Variants in DYRK1A observed in about 807,000 individuals in gnomAD.
The protein encoded by DYRK1A is dual specificity tyrosine-phosphorylation-regulated kinase 1A.
Under a neutral mutation model 79.7 loss-of-function variants are expected in DYRK1A, and 9 were observed. The ratio of observed to expected loss-of-function variants is 0.11; its 90% CI spans 0.07 to 0.20. DYRK1A has a LOEUF of 0.20. Ranked by LOEUF, DYRK1A falls within the 10% of genes least tolerant of loss-of-function variation. The pLI, the probability that DYRK1A is intolerant of heterozygous loss-of-function variation, is 1.00. For missense variants in DYRK1A, 622 were observed against 956.0 expected, an observed-to-expected ratio of 0.65 and a Z score of 4.61; for synonymous variants, 349 against 329.7, an observed-to-expected ratio of 1.06 and a Z score of -0.63.
chr21:37,449,647 T>C (rs2051382361), intron 2 of DYRK1A, among the ~76,000 whole-genome samples: 1 of 152,200 alleles, frequency 6.6e-6, no homozygotes, highest in Non-Finnish European at 1.5e-5. Flanking sequence ...GCAGTCTCTT[T>C]CGTGTGGTCA....
At chr21:37,434,706 ATTATT>A (rs1287482079) in intron 2 of DYRK1A, among the ~76,000 whole-genome samples, 1 of 152,170 alleles carries the variant, frequency 6.6e-6, no homozygotes, top group African/African-American at 2.4e-5. Context: ...TTATTTTAAA[ATTATT>A]TTTGAAGCTA....
chr21:37,374,000 C>G (rs370816904), intron 1 of DYRK1A, among the ~76,000 whole-genome samples: 1 of 151,964 alleles, frequency 6.6e-6, no homozygotes, highest in South Asian at 2.1e-4. Flanking sequence ...TCAAATAGAC[C>G]GTTATGCAAA....
At chr21:37,476,829 C>CT (rs1555978567) in intron 3 of DYRK1A, among the ~76,000 whole-genome samples, 1 of 147,126 alleles carries the variant, frequency 6.8e-6, no homozygotes, top group Non-Finnish European at 1.5e-5. Flanking sequence ...CCCCCCCCCC[C>CT]CAACCTTATT....
chr21:37,442,709 G>A (rs2051145532), intron 2 of DYRK1A, among the ~76,000 whole-genome samples: 1 of 152,132 alleles, frequency 6.6e-6, no homozygotes, highest in Non-Finnish European at 1.5e-5. Context: ...AAAGTGCTGG[G>A]ATTATAGGTG....
rs527734566 is a variant in DYRK1A, at chr21:37,460,400, C to G, written c.11-12284C>G. Among the ~76,000 whole-genome samples the G allele has an allele frequency of 2.2e-4, 34 of 152,200 alleles. No individual in the cohort carries two copies. In the South Asian group the frequency reaches 5.6e-3, roughly 25 times the overall value. ...GAACAAAAGGGGTGGGGGAGTCTTGCGGCGTTCACATCTCAGAAATGTTAC... is the reference window on the plus strand; with the variant it reads ...GAACAAAAGGGGTGGGGGAGTCTTGGGGCGTTCACATCTCAGAAATGTTAC... On this transcript the variant is annotated intron_variant, in intron 2 of 11. Coordinates refer to ENST00000647188, the MANE Select transcript of DYRK1A (RefSeq NM_001347721.2).
At chr21:37,472,949 A>G in intron 3 of DYRK1A, 69 bp downstream of exon 3, 1 of 1,218,108 alleles carries the variant, frequency 8.2e-7, no homozygotes. Context: ...TTGGAATACT[A>G]AGTAGGCAAA....
chr21:37,486,460 C>G lies in DYRK1A; in HGVS notation c.490-7C>G, dbSNP rs1349231184. ...TGAAATAGAGAATTATTCATCTTCT[C>G]TTTTAGGTTGTAAAGGCATATGATC... On this transcript the variant is annotated splice_region_variant and splice_polypyrimidine_tract_variant and intron_variant, in intron 5 of 11. Transcript: ENST00000647188. 6.8e-7 allele frequency: 1 copy of G among 1,461,952 alleles called. No individual in the cohort carries two copies. The highest frequency in any genetic ancestry group is 9.0e-7 in the Non-Finnish European group (1 of 1,105,212). The allele number at this position is 1,461,952 out of a possible 1,614,324, so 90.6% of individuals were successfully genotyped here. A position where few individuals can be genotyped will look rare whatever the true frequency, so the allele number is the denominator to read the frequency against.
intron 7 of DYRK1A, among the ~76,000 whole-genome samples, chr21:37,490,821 A>G (rs901878255): frequency 6.6e-6 from 1 of 151,980 alleles, no homozygotes; most frequent in African/African-American, 2.4e-5. Context: ...TATGTATGCT[A>G]AAAGATTAAG....
chr21:37,385,413 C>T lies in DYRK1A; in HGVS notation c.-77+17785C>T, dbSNP rs140571228. 3.5e-4 allele frequency among the ~76,000 whole-genome samples: 54 copies of T among 152,278 alleles called. No individual in the cohort carries two copies. In the East Asian group the frequency reaches 9.9e-3, roughly 28 times the overall value. On this transcript the variant is annotated intron_variant, in intron 1 of 11. Transcript: ENST00000647188. Reference sequence around the variant, plus strand: ...TGTTGGCAGGATTCTGTTCTTTGTACGCTGTCAATCAGCAAACATTTGCCA... The same window carrying T: ...TGTTGGCAGGATTCTGTTCTTTGTATGCTGTCAATCAGCAAACATTTGCCA...
chr21:37,385,979 A>C (rs959270217), intron 1 of DYRK1A, among the ~76,000 whole-genome samples: 17 of 152,212 alleles, frequency 1.1e-4, no homozygotes, highest in African/African-American at 4.1e-4. Context: ...TAACATAGTT[A>C]GGGCAATCTT....
chr21:37,399,325 T>G (rs1294228183), intron 1 of DYRK1A, among the ~76,000 whole-genome samples: 1 of 152,186 alleles, frequency 6.6e-6, no homozygotes, highest in Non-Finnish European at 1.5e-5. Context: ...TGCCTTGATT[T>G]TGACAAGAGT....
chr21:37,424,036 C>A (rs1024087879), intron 2 of DYRK1A, among the ~76,000 whole-genome samples: 2 of 152,054 alleles, frequency 1.3e-5, no homozygotes, highest in African/African-American at 4.8e-5. Flanking sequence ...GAAATCAGAT[C>A]TGTAAATTAC....
At chr21:37,436,423 T>C (rs1179873330) in intron 2 of DYRK1A, among the ~76,000 whole-genome samples, 1 of 152,166 alleles carries the variant, frequency 6.6e-6, no homozygotes, top group East Asian at 1.9e-4. Flanking sequence ...AGACCTGGTG[T>C]CTTACTGTTC....
chr21:37,441,157 C>T (rs531527592), intron 2 of DYRK1A, among the ~76,000 whole-genome samples: 10 of 152,028 alleles, frequency 6.6e-5, no homozygotes, highest in Non-Finnish European at 1.2e-4. Flanking sequence ...ACTTTCATCT[C>T]GTGATATTCT....
chr21:37,368,616 C>T (rs973904144), intron 1 of DYRK1A, among the ~76,000 whole-genome samples: 1 of 151,968 alleles, frequency 6.6e-6, no homozygotes, highest in African/African-American at 2.4e-5. Flanking sequence ...GTGCCAGGCT[C>T]TGTTTTTAGG....
At chr21:37,470,539 T>C (rs1051389169) in intron 2 of DYRK1A, among the ~76,000 whole-genome samples, 2 of 152,208 alleles carry the variant, frequency 1.3e-5, no homozygotes, top group Non-Finnish European at 2.9e-5. Flanking sequence ...CTCTGCTTCA[T>C]AGATAGGGAA....
chr21:37,384,485 C>T (rs1018440048), intron 1 of DYRK1A, among the ~76,000 whole-genome samples: 8 of 152,078 alleles, frequency 5.3e-5, no homozygotes, highest in African/African-American at 1.9e-4. Context: ...CTAGCTTTGC[C>T]TGAAAAAAGC....
chr21:37,457,013 T>TTTACTTTAC (rs1261430849), intron 2 of DYRK1A, among the ~76,000 whole-genome samples: 10 of 141,192 alleles, frequency 7.1e-5, no homozygotes, highest in Non-Finnish European at 1.5e-4. Context: ...AAAAAGAAAA[T>TTTACTTTAC]TTACTTACTT....
At chr21:37,452,866 T>G (rs2051504797) in intron 2 of DYRK1A, among the ~76,000 whole-genome samples, 1 of 151,510 alleles carries the variant, frequency 6.6e-6, no homozygotes, top group South Asian at 2.1e-4. Context: ...CCTTTAATGT[T>G]AAGAGCGTTG....
Sources: gnomAD v4.1 joint callset for allele counts (sites outside exome capture counted in the v4.1 genomes callset) on GRCh38, gnomAD v4.1.1 for gene constraint, MANE v1.5 for transcripts, NCBI Gene and HGNC (gene_info 2026-07-23, HGNC 2026-07-21) for gene names.